LGSN: variants seen among roughly 807,000 people sequenced by gnomAD.
LGSN encodes lengsin.
Under a neutral mutation model 19.5 loss-of-function variants are expected in LGSN, and 21 were observed. The observed-to-expected ratio is 1.07, with a 90% confidence interval of 0.76 to 1.55. LGSN has a LOEUF of 1.55. LGSN is among the 40% of genes most tolerant of loss of function. The probability of loss-of-function intolerance (pLI) is 0.00; values close to 1 mark genes in which losing one functional copy is unlikely to be tolerated. For synonymous variants in LGSN, 257 were observed against 215.6 expected, an observed-to-expected ratio of 1.19 and a Z score of -1.68; for missense variants, 673 against 608.5, an observed-to-expected ratio of 1.11 and a Z score of -1.12.
chr6:63,530,509 TATTTACTGC>T, the LGSN span, among the ~76,000 whole-genome samples: 1 of 152,162 alleles, frequency 6.6e-6, no homozygotes, highest in African/African-American at 2.4e-5. Context: ...TCACACAGGC[TATTTACTGC>T]ACAACTCCAG....
the LGSN span, among the ~76,000 whole-genome samples, chr6:63,442,909 C>G: frequency 6.6e-6 from 1 of 152,206 alleles, no homozygotes; most frequent in Non-Finnish European, 1.5e-5. Context: ...CTAGTGGATC[C>G]CACGCCAGGA....
At chr6:63,321,081 G>C (rs1437441616), upstream of LGSN, among the ~76,000 whole-genome samples, 1 of 152,056 alleles carries the variant, frequency 6.6e-6, no homozygotes, top group East Asian at 1.9e-4. Context: ...TTGGACTCTT[G>C]AACCTCCCCA....
At chr6:63,470,479 A>AC in the LGSN span, among the ~76,000 whole-genome samples, 3 of 151,450 alleles carry the variant, frequency 2.0e-5, no homozygotes, top group Admixed American at 2.0e-4. Context: ...CTCAATTCAA[A>AC]AAAAAAAAAG....
the LGSN span, among the ~76,000 whole-genome samples, chr6:63,560,574 A>AT: frequency 1.6e-4 from 24 of 151,120 alleles, no homozygotes; most frequent in Admixed American, 6.6e-4. Context: ...TAATCTGTGT[A>AT]TTTTTTTTAA....
At chr6:63,493,133 T>C in the LGSN span, among the ~76,000 whole-genome samples, 2 of 152,192 alleles carry the variant, frequency 1.3e-5, no homozygotes, top group African/African-American at 4.8e-5. Context: ...TGTCACCCCA[T>C]TATTTTTTCC....
chr6:63,503,743 C>T, the LGSN span, among the ~76,000 whole-genome samples: 3 of 151,986 alleles, frequency 2.0e-5, no homozygotes, highest in South Asian at 2.1e-4. Flanking sequence ...GGTGAAACCC[C>T]GCCTCTACTA....
the LGSN span, among the ~76,000 whole-genome samples, chr6:63,551,120 C>T: frequency 2.1e-4 from 32 of 152,088 alleles, no homozygotes; most frequent in African/African-American, 6.8e-4. Context: ...GGCTGGAGCA[C>T]AGTTGCTCAA....
chr6:63,378,119 A>G, the LGSN span, among the ~76,000 whole-genome samples: 1 of 152,062 alleles, frequency 6.6e-6, no homozygotes, highest in African/African-American at 2.4e-5. Flanking sequence ...GCAAAGGATG[A>G]CAGGTAAGCA....
the LGSN span, among the ~76,000 whole-genome samples, chr6:63,498,768 C>G: frequency 6.6e-6 from 1 of 151,958 alleles, no homozygotes; most frequent in Non-Finnish European, 1.5e-5. Flanking sequence ...TGAAAGAGAA[C>G]AGGAATTAAT....
chr6:63,416,269 T>C, the LGSN span, among the ~76,000 whole-genome samples: 2 of 152,178 alleles, frequency 1.3e-5, no homozygotes, highest in African/African-American at 2.4e-5. Flanking sequence ...GGCATACATG[T>C]TTGAATTAAG....
the LGSN span, among the ~76,000 whole-genome samples, chr6:63,502,058 C>T: frequency 6.6e-6 from 1 of 152,170 alleles, no homozygotes; most frequent in Admixed American, 6.5e-5. Context: ...CTTTGGCCTC[C>T]CAAAATGTTG....
At chr6:63,459,935 T>A in the LGSN span, among the ~76,000 whole-genome samples, 1 of 151,844 alleles carries the variant, frequency 6.6e-6, no homozygotes, top group African/African-American at 2.4e-5. Flanking sequence ...CCTTTTCTGA[T>A]CACCTAATAA....
the LGSN span, among the ~76,000 whole-genome samples, chr6:63,547,489 CA>C: frequency 1.4e-5 from 2 of 147,342 alleles, no homozygotes; most frequent in Admixed American, 6.8e-5. Context: ...CTCGCCCGGC[CA>C]GGGGGGAATT....
the LGSN span, among the ~76,000 whole-genome samples, chr6:63,331,258 A>G: frequency 6.6e-6 from 1 of 152,158 alleles, no homozygotes; most frequent in Non-Finnish European, 1.5e-5. Context: ...ATTCTCCCTC[A>G]ATGAAAAGAA....
chr6:63,326,847 C>G, the LGSN span, among the ~76,000 whole-genome samples: 5 of 152,294 alleles, frequency 3.3e-5, no homozygotes, highest in African/African-American at 1.2e-4. Context: ...TCCACACCTC[C>G]CTGCAAGCTG....
At chr6:63,415,054 G>A in the LGSN span, among the ~76,000 whole-genome samples, 2 of 152,128 alleles carry the variant, frequency 1.3e-5, no homozygotes, top group South Asian at 2.1e-4. Flanking sequence ...ACAGTGGGAC[G>A]CGCCTGTAAT....
intron 3 of LGSN, among the ~76,000 whole-genome samples, chr6:63,283,058 T>A (rs1016216174): frequency 2.6e-5 from 4 of 152,178 alleles, no homozygotes; most frequent in Non-Finnish European, 5.9e-5. Flanking sequence ...TGGTTGCCAT[T>A]TCACTCCAAT....
At chr6:63,435,180 C>G in the LGSN span, among the ~76,000 whole-genome samples, 1 of 152,098 alleles carries the variant, frequency 6.6e-6, no homozygotes, top group African/African-American at 2.4e-5. Context: ...AGTGTGGCAT[C>G]AAAGGAACAC....
At chr6:63,552,214 T>C in the LGSN span, among the ~76,000 whole-genome samples, 4 of 152,022 alleles carry the variant, frequency 2.6e-5, no homozygotes, top group African/African-American at 9.7e-5. Flanking sequence ...GTTATTTCAA[T>C]GATTGGCATT....
Sources: allele counts gnomAD v4.1 joint callset (sites outside exome capture counted in the v4.1 genomes callset), GRCh38; gene constraint gnomAD v4.1.1; transcripts MANE v1.5; gene names NCBI Gene and HGNC (gene_info 2026-07-23, HGNC 2026-07-21).